Variants in NR3C2 observed in about 807,000 individuals in gnomAD.
NR3C2 encodes the protein nuclear receptor subfamily 3 group C member 2.
In NR3C2, 15 loss-of-function variants were observed where a neutral mutation model predicts 86.4. The ratio of observed to expected loss-of-function variants is 0.17; its 90% CI spans 0.12 to 0.27. The LOEUF is 0.27. NR3C2 is among the 10% of genes least tolerant of loss of function. NR3C2 has a pLI of 1.00. For missense variants in NR3C2, 960 were observed against 1,195.6 expected, an observed-to-expected ratio of 0.80 and a Z score of 2.91; for synonymous variants, 458 against 450.5, an observed-to-expected ratio of 1.02 and a Z score of -0.21.
rs1477220924 is a variant in NR3C2 at position 148,193,436 on chromosome 4, A to G, written c.2014+1310T>C. Reference sequence around the variant, plus strand: ...AGTGGATCTGGAGCTAAAATTCACAATGCAAGCCTCCGCATGCTGCTTTTT... The same window carrying G: ...AGTGGATCTGGAGCTAAAATTCACAGTGCAAGCCTCCGCATGCTGCTTTTT... On this transcript the variant is annotated intron_variant, in intron 4 of 8. Transcript: ENST00000358102. 2.6e-5 allele frequency among the ~76,000 whole-genome samples: 4 copies of G among 152,146 alleles called. No individual in the cohort carries two copies. In the East Asian group the frequency reaches 5.8e-4, roughly 22 times the overall value.
chr4:148,323,753 G>A (rs561626896), intron 2 of NR3C2, among the ~76,000 whole-genome samples: 16 of 152,158 alleles, frequency 1.1e-4, no homozygotes, highest in South Asian at 8.3e-4. Context: ...CACGGTGCGC[G>A]CACCCACTGA....
intron 2 of NR3C2, among the ~76,000 whole-genome samples, chr4:148,400,190 T>G (rs1458696515): frequency 6.6e-6 from 1 of 152,236 alleles, no homozygotes; most frequent in Non-Finnish European, 1.5e-5. Context: ...TTTCACATTC[T>G]TAAGGCAAAT....
At chr4:148,096,934 A>C (rs1478914088) in intron 8 of NR3C2, among the ~76,000 whole-genome samples, 1 of 152,242 alleles carries the variant, frequency 6.6e-6, no homozygotes, top group African/African-American at 2.4e-5. Flanking sequence ...ATTCAATAAC[A>C]GCTTTTGAAC....
intron 2 of NR3C2, among the ~76,000 whole-genome samples, chr4:148,294,525 A>AC (rs1223627110): frequency 2.7e-5 from 4 of 150,238 alleles, no homozygotes; most frequent in African/African-American, 9.8e-5. Context: ...CATAATCATT[A>AC]CCTACTCCCT....
chr4:148,161,271 T>C (rs1024341653), intron 4 of NR3C2, among the ~76,000 whole-genome samples: 2 of 152,220 alleles, frequency 1.3e-5, no homozygotes, highest in Non-Finnish European at 2.9e-5. Flanking sequence ...TTTGTTGATA[T>C]AGAAAACATG....
chr4:148,321,132 T>C (rs904270964), intron 2 of NR3C2, among the ~76,000 whole-genome samples: 3 of 146,202 alleles, frequency 2.1e-5, no homozygotes, highest in Non-Finnish European at 3.0e-5. Flanking sequence ...CATTTCGTTA[T>C]GTACCCAGTA....
In NR3C2 at chr4:148,175,783, G is replaced by A. The variant is rs534547131; in HGVS notation, c.2014+18963C>T. Among the ~76,000 whole-genome samples, 30 of 152,236 alleles carry A rather than the reference G, an allele frequency of 2.0e-4. No homozygotes were observed. The East Asian group carries it at 4.3e-3, about 22-fold the overall frequency. On this transcript the variant is annotated intron_variant, in intron 4 of 8. Transcript: ENST00000358102. Reference sequence around the variant, plus strand: ...TTAGTCTAATTTTAGAATTAAGAATGGCTTGATTTGAAGACTGCTAGAGTA... The same window carrying A: ...TTAGTCTAATTTTAGAATTAAGAATAGCTTGATTTGAAGACTGCTAGAGTA...
intron 2 of NR3C2, among the ~76,000 whole-genome samples, chr4:148,280,804 C>A (rs1057456766): frequency 2.0e-5 from 3 of 152,182 alleles, no homozygotes; most frequent in Admixed American, 6.5e-5. Context: ...CTGCACCTAG[C>A]CTAATTCCGT....
intron 3 of NR3C2, among the ~76,000 whole-genome samples, chr4:148,216,717 T>C (rs1055782592): frequency 5.3e-5 from 8 of 152,246 alleles, no homozygotes; most frequent in Non-Finnish European, 1.0e-4. Flanking sequence ...TGGAGAACAG[T>C]TGGGACCTAC....
At chr4:148,201,798 C>CCT (rs1736734695) in intron 3 of NR3C2, among the ~76,000 whole-genome samples, 1 of 152,164 alleles carries the variant, frequency 6.6e-6, no homozygotes, top group Non-Finnish European at 1.5e-5. Flanking sequence ...CCATATACCC[C>CCT]CTTCAACTCC....
At position 148,120,843 on chromosome 4, in the gene NR3C2, G is replaced by A. The variant is rs142557516; in HGVS notation, c.2511-555C>T. Among the ~76,000 whole-genome samples, 126 of 152,300 alleles carry A rather than the reference G, an allele frequency of 8.3e-4. 4 individuals carry two copies. In the South Asian group the frequency reaches 0.024, roughly 29 times the overall value. On this transcript the variant is annotated intron_variant, in intron 6 of 8. Coordinates refer to ENST00000358102, the MANE Select transcript of NR3C2 (RefSeq NM_000901.5). The stretch of plus-strand genomic sequence containing the variant: ...AAAAAATACTTTAAAAGGTGAGAAC[G>A]TCAAATGGAATTTTTCTGATAAAGA...
At chr4:148,081,730 A>G (rs1730570646) in intron 8 of NR3C2, among the ~76,000 whole-genome samples, 1 of 152,196 alleles carries the variant, frequency 6.6e-6, no homozygotes, top group Admixed American at 6.5e-5. Flanking sequence ...TGAGAGCTGA[A>G]TTTTGAGCAC....
intron 2 of NR3C2, among the ~76,000 whole-genome samples, chr4:148,402,530 C>T (rs1430198221): frequency 2.6e-5 from 4 of 152,158 alleles, no homozygotes; most frequent in Non-Finnish European, 5.9e-5. Context: ...GGTATAGAGA[C>T]TGATGAAGAG....
intron 3 of NR3C2, among the ~76,000 whole-genome samples, chr4:148,255,983 C>T (rs1379564732): frequency 1.3e-5 from 2 of 152,208 alleles, no homozygotes; most frequent in South Asian, 2.1e-4. Context: ...TTGGTGGCTA[C>T]TAAATATCCA....
chr4:148,375,011 C>T (rs754283620), intron 2 of NR3C2, among the ~76,000 whole-genome samples: 4 of 152,102 alleles, frequency 2.6e-5, no homozygotes, highest in African/African-American at 4.8e-5. Flanking sequence ...TATGTTGTCA[C>T]GTGGCTACTG....
At chr4:148,259,872 CA>C (rs2149871558) in intron 3 of NR3C2, 105 bp downstream of exon 3, 2 of 1,440,242 alleles carry the variant, frequency 1.4e-6, no homozygotes, top group Non-Finnish European at 1.9e-6. Flanking sequence ...CAGATTAAAT[CA>C]AAAATCTTTT....
chr4:148,426,350 A>G (rs985443575), intron 2 of NR3C2, among the ~76,000 whole-genome samples: 2 of 152,152 alleles, frequency 1.3e-5, no homozygotes, highest in South Asian at 2.1e-4. Context: ...GAAAACCACT[A>G]TCTCCCACTG....
At chr4:148,379,615 G>A (rs762355573) in intron 2 of NR3C2, among the ~76,000 whole-genome samples, 9 of 152,198 alleles carry the variant, frequency 5.9e-5, no homozygotes, top group Non-Finnish European at 1.3e-4. Context: ...GAGTTGACAA[G>A]AGGTAATAGG....
intron 2 of NR3C2, among the ~76,000 whole-genome samples, chr4:148,265,578 T>C (rs988008819): frequency 4.6e-5 from 7 of 152,078 alleles, no homozygotes; most frequent in Admixed American, 3.9e-4. Flanking sequence ...ATGTAAAAAA[T>C]AGTCGTATTT....
Sources: allele counts gnomAD v4.1 joint callset (sites outside exome capture counted in the v4.1 genomes callset), GRCh38; gene constraint gnomAD v4.1.1; transcripts MANE v1.5; gene names NCBI Gene and HGNC (gene_info 2026-07-23, HGNC 2026-07-21).